The following ANK2 variants were observed in gnomAD, a reference collection of about 807,000 sequenced individuals.
The protein encoded by ANK2 is ankyrin 2.
In ANK2, 83 loss-of-function variants were observed where a neutral mutation model predicts 360.5. The observed-to-expected ratio is 0.23, with a 90% CI of 0.19 to 0.28. The LOEUF is 0.28. Among genes scored for constraint, ANK2 ranks in the 10% least tolerant of loss-of-function variants. The pLI, the probability that ANK2 is intolerant of heterozygous loss-of-function variation, is 1.00. For missense variants in ANK2, 4,201 were observed against 4,795.7 expected (o/e 0.88, Z 3.66); for synonymous variants, 1,740 against 1,759.5 (o/e 0.99, Z 0.28).
intron 4 of ANK2, among the ~76,000 whole-genome samples, chr4:113,213,745 C>T (rs1310767328): frequency 6.6e-6 from 1 of 152,026 alleles, no homozygotes; most frequent in Non-Finnish European, 1.5e-5. Flanking sequence ...TGTTGAAAAG[C>T]ATCCAACTAG....
intron 2 of ANK2, among the ~76,000 whole-genome samples, chr4:112,944,047 C>T (rs2094404821): frequency 6.6e-6 from 1 of 152,018 alleles, no homozygotes; most frequent in Non-Finnish European, 1.5e-5. Context: ...ATTTTTCAGT[C>T]CATTGAACTA....
intron 2 of ANK2, among the ~76,000 whole-genome samples, chr4:112,957,182 C>G (rs1442643759): frequency 6.6e-6 from 1 of 151,042 alleles, no homozygotes; most frequent in Non-Finnish European, 1.5e-5. Flanking sequence ...TGTTTGTGTC[C>G]CTGGGTACTT....
rs878970056 is a variant in ANK2, at chr4:113,358,151, A to G, written c.9533A>G (p.Glu3178Gly). The G allele has an allele frequency of 1.2e-6, 2 of 1,613,988 alleles. No homozygotes were observed. The highest frequency in any genetic ancestry group is 1.7e-6 in the Non-Finnish European group (2 of 1,179,968). The part of the protein sequence containing the change: ...LSESKETVDD[E>G]ADLLPDDVSE... ...GAATCAAAAGAAACAGTGGATGATG[A>G]GGCAGACTTACTTCCAGATGACGTG... The change falls in exon 38 of 46, where the codon GAG (glutamate) becomes GGG (glycine). Residue 3178 changes from glutamate (E) to glycine (G), a missense_variant. Transcript: ENST00000357077.
intron 1 of ANK2, among the ~76,000 whole-genome samples, chr4:112,859,464 G>GGT (rs1406152472): frequency 6.6e-6 from 1 of 152,182 alleles, no homozygotes; most frequent in Non-Finnish European, 1.5e-5. Context: ...AGCCCAGTTA[G>GGT]GTGTATGTTT....
intron 1 of ANK2, among the ~76,000 whole-genome samples, chr4:113,087,721 G>C (rs1166040862): frequency 2.0e-5 from 3 of 151,940 alleles, no homozygotes; most frequent in Admixed American, 2.0e-4. Context: ...AAAAATGATA[G>C]GTTTCCTAGT....
chr4:113,278,595 G>GT, intron 17 of ANK2, 37 bp downstream of exon 17: 1 of 1,582,284 alleles, frequency 6.3e-7, no homozygotes, highest in South Asian at 1.1e-5. Context: ...GGCATAGGGT[G>GT]TAACTATCGC....
intron 2 of ANK2, among the ~76,000 whole-genome samples, chr4:112,917,208 A>G (rs1294248940): frequency 2.0e-5 from 3 of 152,246 alleles, no homozygotes; most frequent in African/African-American, 7.2e-5. Flanking sequence ...AGTGACAAGC[A>G]CCACAATGAA....
intron 1 of ANK2, among the ~76,000 whole-genome samples, chr4:112,849,671 A>G (rs966428264): frequency 5.3e-5 from 8 of 152,152 alleles, no homozygotes; most frequent in Non-Finnish European, 1.0e-4. Context: ...AAATGTCTCT[A>G]AGATCTATCT....
chr4:113,368,292 G>A lies in ANK2; in HGVS notation c.11318+441G>A, dbSNP rs550539579. ...CAAATATGCTCTGTAGCACTTCATC[G>A]TGCCATTGCTGGTTAGGAGTATGGT... is the stretch of plus-strand genomic sequence containing the variant. On this transcript the variant is annotated intron_variant, in intron 42 of 45. Coordinates refer to ENST00000357077, the MANE Select transcript of ANK2 (RefSeq NM_001148.6). Among the ~76,000 whole-genome samples, 15 of 152,304 alleles carry A rather than the reference G, an allele frequency of 9.8e-5. No individual in the cohort carries two copies. In the East Asian group the frequency reaches 1.5e-3, roughly 16 times the overall value.
the ANK2 span, among the ~76,000 whole-genome samples, chr4:112,725,088 T>G: frequency 3.3e-5 from 5 of 152,024 alleles, no homozygotes; most frequent in Admixed American, 3.3e-4. Context: ...AAGACCAGCC[T>G]GGGCAACAAG....
At chr4:113,291,092 T>C (rs2067302080) in intron 20 of ANK2, among the ~76,000 whole-genome samples, 1 of 152,232 alleles carries the variant, frequency 6.6e-6, no homozygotes, top group South Asian at 2.1e-4. Flanking sequence ...GTTTATATAT[T>C]ATAGTGATAT....
the ANK2 span, among the ~76,000 whole-genome samples, chr4:112,722,215 T>A: frequency 6.6e-6 from 1 of 152,126 alleles, no homozygotes. Flanking sequence ...TTTTAATGCA[T>A]CCTTACCTCT....
chr4:112,747,734 G>T, the ANK2 span, among the ~76,000 whole-genome samples: 6 of 152,092 alleles, frequency 3.9e-5, no homozygotes, highest in Non-Finnish European at 8.8e-5. Flanking sequence ...AAAGAAGGTG[G>T]GAAAGGGTGA....
intron 2 of ANK2, among the ~76,000 whole-genome samples, chr4:112,948,795 T>C (rs930511004): frequency 3.9e-5 from 6 of 152,210 alleles, no homozygotes; most frequent in Non-Finnish European, 8.8e-5. Flanking sequence ...TGACCTATGA[T>C]TGCCTCTGCC....
intron 1 of ANK2, among the ~76,000 whole-genome samples, chr4:113,052,143 G>A (rs1225141158): frequency 6.6e-6 from 1 of 151,970 alleles, no homozygotes; most frequent in Non-Finnish European, 1.5e-5. Flanking sequence ...ACATTATTTT[G>A]CACAGCAAGA....
intron 14 of ANK2, among the ~76,000 whole-genome samples, chr4:113,273,748 C>T (rs2059303981): frequency 6.6e-6 from 1 of 152,194 alleles, no homozygotes; most frequent in Admixed American, 6.5e-5. Context: ...TTTCCTGAGC[C>T]TCCTGGAACA....
At chr4:112,892,377 T>C (rs74649693) in intron 1 of ANK2, among the ~76,000 whole-genome samples, 4,185 of 152,296 alleles carry the variant, frequency 0.027, 184 homozygotes, top group African/African-American at 0.092. Context: ...CATTGGTAAA[T>C]TATACATACA....
chr4:112,758,606 G>T, the ANK2 span, among the ~76,000 whole-genome samples: 1 of 152,014 alleles, frequency 6.6e-6, no homozygotes, highest in East Asian at 1.9e-4. Context: ...GTAGAGACGG[G>T]GTTTCACTGT....
chr4:113,038,560 C>T (rs967998161), intron 2 of ANK2, among the ~76,000 whole-genome samples: 2 of 151,866 alleles, frequency 1.3e-5, no homozygotes. Flanking sequence ...AAGATGGCTC[C>T]CCTTCCATAT....
Sources: gnomAD v4.1 joint callset for allele counts (sites outside exome capture counted in the v4.1 genomes callset) on GRCh38, gnomAD v4.1.1 for gene constraint, MANE v1.5 for transcripts, NCBI Gene and HGNC (gene_info 2026-07-23, HGNC 2026-07-21) for gene names.